The following WWOX variants were observed in gnomAD, a reference collection of about 807,000 sequenced individuals.
WWOX encodes WW domain containing oxidoreductase.
WWOX carries 69 observed loss-of-function variants against 46.2 expected under a neutral mutation model. The ratio of observed to expected loss-of-function variants is 1.49; its 90% CI spans 1.23 to 1.82. WWOX has a LOEUF of 1.82. Among genes scored for constraint, WWOX ranks in the 40% most tolerant of loss-of-function variants. The pLI, the probability that WWOX is intolerant of heterozygous loss-of-function variation, is 0.00. For synonymous variants in WWOX, 359 were observed against 202.6 expected (o/e 1.77, Z -6.56); for missense variants, 919 against 542.6 (o/e 1.69, Z -6.89).
At chr16:78,882,369 CAG>C (rs1210089978) in intron 8 of WWOX, among the ~76,000 whole-genome samples, 1 of 152,166 alleles carries the variant, frequency 6.6e-6, no homozygotes, top group African/African-American at 2.4e-5. Flanking sequence ...AGCAATCTGA[CAG>C]AGCCAGGATT....
intron 8 of WWOX, among the ~76,000 whole-genome samples, chr16:78,664,928 T>G (rs1480239115): frequency 6.6e-6 from 1 of 152,250 alleles, no homozygotes; most frequent in Non-Finnish European, 1.5e-5. Flanking sequence ...CTCTGTCATG[T>G]GTCAGCCTAA....
At chr16:78,115,232 G>A (rs78549091) in intron 4 of WWOX, 78 bp downstream of exon 4, 3 of 1,545,538 alleles carry the variant, frequency 1.9e-6, no homozygotes, top group African/African-American at 2.7e-5. Context: ...ATGGAATTTT[G>A]TTTAGTGGTT....
intron 8 of WWOX, among the ~76,000 whole-genome samples, chr16:78,577,058 C>T (rs1272474519): frequency 6.6e-6 from 1 of 152,184 alleles, no homozygotes; most frequent in Non-Finnish European, 1.5e-5. Context: ...CCATCTCATT[C>T]TATAGCTCAG....
At chr16:78,309,728 C>A (rs2080204315) in intron 5 of WWOX, among the ~76,000 whole-genome samples, 1 of 152,144 alleles carries the variant, frequency 6.6e-6, no homozygotes, top group Non-Finnish European at 1.5e-5. Flanking sequence ...CGTGACTACC[C>A]AGAATTAAAC....
chr16:79,054,098 C>G (rs1456188849), intron 8 of WWOX, among the ~76,000 whole-genome samples: 1 of 152,104 alleles, frequency 6.6e-6, no homozygotes, highest in Non-Finnish European at 1.5e-5. Flanking sequence ...ATATTCAGCA[C>G]TGGCTGTATA....
chr16:78,283,625 T>C (rs886506038), intron 5 of WWOX, among the ~76,000 whole-genome samples: 2 of 152,152 alleles, frequency 1.3e-5, no homozygotes, highest in Non-Finnish European at 2.9e-5. Flanking sequence ...CCTGGTTTCC[T>C]GTGGCTCTCC....
chr16:78,799,569 A>AG (rs1434226403), intron 8 of WWOX, among the ~76,000 whole-genome samples: 1 of 152,052 alleles, frequency 6.6e-6, no homozygotes, highest in East Asian at 1.9e-4. Context: ...GGAATTGAGG[A>AG]GGGGTGAGGC....
At chr16:78,445,859 T>C (rs771834215) in intron 8 of WWOX, among the ~76,000 whole-genome samples, 35 of 104,586 alleles carry the variant, frequency 3.3e-4, no homozygotes, top group Admixed American at 2.4e-4. Flanking sequence ...GCCTGGGTGA[T>C]GGAGCAAGGC....
intron 5 of WWOX, among the ~76,000 whole-genome samples, chr16:78,315,646 T>C: frequency 6.6e-6 from 1 of 152,008 alleles, no homozygotes; most frequent in East Asian, 1.9e-4. Context: ...CAAGACTGTC[T>C]CAAAAAAGAA....
At chr16:78,293,613 T>C (rs11641628) in intron 5 of WWOX, among the ~76,000 whole-genome samples, 78,673 of 151,896 alleles carry the variant, frequency 0.52, 21,130 homozygotes, top group East Asian at 0.78. Context: ...AATCTCCATT[T>C]CAGTCTGATC....
chr16:78,828,746 C>T (rs1008989332), intron 8 of WWOX, among the ~76,000 whole-genome samples: 1 of 152,114 alleles, frequency 6.6e-6, no homozygotes, highest in African/African-American at 2.4e-5. Context: ...AGTCCTCCAA[C>T]CCTATAAAGT....
At chr16:78,668,638 G>A (rs934281876) in intron 8 of WWOX, among the ~76,000 whole-genome samples, 4 of 152,154 alleles carry the variant, frequency 2.6e-5, no homozygotes, top group Non-Finnish European at 5.9e-5. Context: ...AGTGACAGCA[G>A]GGGGTGAGGA....
At chr16:78,149,225 GA>G (rs938286299) in intron 4 of WWOX, among the ~76,000 whole-genome samples, 1 of 151,780 alleles carries the variant, frequency 6.6e-6, no homozygotes, top group Non-Finnish European at 1.5e-5. Flanking sequence ...GGAAATTAAA[GA>G]AAAAAAATTG....
chr16:79,113,741 A>C (rs1295946347), intron 8 of WWOX, among the ~76,000 whole-genome samples: 1 of 152,222 alleles, frequency 6.6e-6, no homozygotes, highest in East Asian at 1.9e-4. Flanking sequence ...GATGGAGCCA[A>C]CTTTTCACCC....
intron 8 of WWOX, among the ~76,000 whole-genome samples, chr16:79,126,056 C>T (rs11647397): frequency 6.6e-6 from 1 of 152,042 alleles, no homozygotes; most frequent in East Asian, 1.9e-4. Flanking sequence ...AAATTATGAT[C>T]CCTTGTGTTA....
chr16:79,105,953 A>G (rs1043588022), intron 8 of WWOX: 2 of 152,268 alleles, frequency 1.3e-5, no homozygotes, highest in Non-Finnish European at 2.9e-5. Flanking sequence ...AATTATAGGC[A>G]TGAGCCACTG....
At chr16:78,797,420 G>A (rs977904119) in intron 8 of WWOX, among the ~76,000 whole-genome samples, 1 of 148,960 alleles carries the variant, frequency 6.7e-6, no homozygotes, top group African/African-American at 2.5e-5. Context: ...ACAGGTACGA[G>A]CTTGTAGTCA....
chr16:78,814,541 T>A (rs890468413), intron 8 of WWOX, among the ~76,000 whole-genome samples: 9 of 152,170 alleles, frequency 5.9e-5, no homozygotes, highest in African/African-American at 2.2e-4. Flanking sequence ...ACAAAAGAGG[T>A]TGCAGTGATG....
Position 79,211,934 on chromosome 16 carries a change from G to C in WWOX, c.*138G>C, listed in dbSNP as rs902735273. On this transcript the variant is annotated 3_prime_UTR_variant, in exon 9 of 9. Transcript: ENST00000566780. ...AGGAAATAAGAGCAGTCACAACAGAGTGAAAAATCTTAAGTACCAATGGGA... is the reference window on the plus strand; with the variant it reads ...AGGAAATAAGAGCAGTCACAACAGACTGAAAAATCTTAAGTACCAATGGGA... 3.3e-6 allele frequency: 5 copies of C among 1,538,286 alleles called. No individual in the cohort carries two copies. The highest frequency in any genetic ancestry group is 2.7e-5 in the African/African-American group (2 of 73,078).
Sources: gnomAD v4.1 joint callset for allele counts (sites outside exome capture counted in the v4.1 genomes callset) on GRCh38, gnomAD v4.1.1 for gene constraint, MANE v1.5 for transcripts, NCBI Gene and HGNC (gene_info 2026-07-23, HGNC 2026-07-21) for gene names.